Variants in LRRC28 observed in about 807,000 individuals in gnomAD.
The protein encoded by LRRC28 is leucine rich repeat containing 28, also known as leucine-rich repeat-containing protein 28.
LRRC28 carries 39 observed loss-of-function variants against 45.7 expected under a neutral mutation model. The ratio of observed to expected loss-of-function variants is 0.85; its 90% CI spans 0.66 to 1.12. LRRC28 has a LOEUF of 1.12. Among genes scored for constraint, LRRC28 ranks in the 50% most tolerant of loss-of-function variants. LRRC28 has a pLI of 0.00. For synonymous variants in LRRC28, 206 were observed against 178.8 expected, an observed-to-expected ratio of 1.15 and a Z score of -1.22; for missense variants, 435 against 438.5, an observed-to-expected ratio of 0.99 and a Z score of 0.07.
At chr15:99,373,418 A>G (rs1597456438) in intron 9 of LRRC28, among the ~76,000 whole-genome samples, 1 of 152,278 alleles carries the variant, frequency 6.6e-6, no homozygotes, top group South Asian at 2.1e-4. Flanking sequence ...GGTACATAGT[A>G]GATATATATA....
chr15:99,321,451 G>T (rs909897267), intron 5 of LRRC28, among the ~76,000 whole-genome samples: 1 of 152,160 alleles, frequency 6.6e-6, no homozygotes, highest in Non-Finnish European at 1.5e-5. Flanking sequence ...GGCAGCTGGC[G>T]TTCGGTCAGT....
chr15:99,324,190 G>A (rs1200910700), intron 5 of LRRC28, among the ~76,000 whole-genome samples: 1 of 152,134 alleles, frequency 6.6e-6, no homozygotes, highest in Non-Finnish European at 1.5e-5. Context: ...GGGCGAGGAG[G>A]GTAGACAGGG....
chr15:99,379,535 T>G (rs1362756118), intron 9 of LRRC28, among the ~76,000 whole-genome samples: 2 of 152,190 alleles, frequency 1.3e-5, no homozygotes, highest in Non-Finnish European at 2.9e-5. Flanking sequence ...TCTGTCTCTA[T>G]CTCCTTCAGT....
At chr15:99,350,250 G>A (rs1156461491) in intron 6 of LRRC28, among the ~76,000 whole-genome samples, 1 of 152,230 alleles carries the variant, frequency 6.6e-6, no homozygotes, top group Non-Finnish European at 1.5e-5. Flanking sequence ...CTTCCTATGG[G>A]GAAGCAGATG....
chr15:99,313,896 A>G (rs1955502673), intron 5 of LRRC28, among the ~76,000 whole-genome samples: 2 of 152,066 alleles, frequency 1.3e-5, no homozygotes, highest in Admixed American at 6.6e-5. Flanking sequence ...ATTCTTGTAG[A>G]CTGGGCTGGG....
intron 6 of LRRC28, among the ~76,000 whole-genome samples, chr15:99,348,049 C>T (rs559680545): frequency 6.6e-6 from 1 of 152,148 alleles, no homozygotes; most frequent in Non-Finnish European, 1.5e-5. Flanking sequence ...ACCTTTTCAT[C>T]TACCTGTTGG....
chr15:99,347,691 C>T (rs1474628850), intron 6 of LRRC28, among the ~76,000 whole-genome samples: 1 of 152,150 alleles, frequency 6.6e-6, no homozygotes, highest in African/African-American at 2.4e-5. Flanking sequence ...TGGGCATTTA[C>T]ATTGTTTCCA....
chr15:99,307,005 C>T (rs2136629), intron 5 of LRRC28, among the ~76,000 whole-genome samples: 14,745 of 152,224 alleles, frequency 0.097, 1,017 homozygotes, highest in East Asian at 0.33. Context: ...CAAGCCATTA[C>T]GTGTTTCTTC....
chr15:99,298,071 A>G (rs1210935147), intron 5 of LRRC28, among the ~76,000 whole-genome samples: 1 of 152,090 alleles, frequency 6.6e-6, no homozygotes, highest in Admixed American at 6.5e-5. Context: ...AGGCAAAAGA[A>G]GAAAAGTTGG....
At chr15:99,258,584 GA>G in intron 2 of LRRC28, 1 of 745,164 alleles carries the variant, frequency 1.3e-6, no homozygotes, top group Non-Finnish European at 2.4e-6. Context: ...AGAAACCAAA[GA>G]CTAAAAAAGT....
chr15:99,323,179 T>C (rs1160477169), intron 5 of LRRC28, among the ~76,000 whole-genome samples: 2 of 152,192 alleles, frequency 1.3e-5, no homozygotes, highest in Non-Finnish European at 2.9e-5. Flanking sequence ...CACAGTTTGA[T>C]TTTGGCTCCC....
Position 99,361,340 on chromosome 15 carries a change from G to T in LRRC28, c.700G>T (p.Gly234Cys), listed in dbSNP as rs1957193630. ...TGAATGTGTGTCTTTCTGCAGCTGT[G>T]GTGCTCCCATTCAAGTTTCCGAGGT... ...YNKVIGCSGC[G>C]APIQVSEVKL... Residue 234 changes from glycine to cysteine, a missense_variant, in exon 8 of 10, where the codon GGT becomes TGT. Gly to Cys is a radical substitution (Grantham distance 159, BLOSUM62 -3). Transcript: ENST00000301981. 8 of 1,611,700 alleles carry T rather than the reference G, an allele frequency of 5.0e-6. No homozygotes were observed. The highest frequency in any genetic ancestry group is 1.3e-5 in the African/African-American group (1 of 74,798).
chr15:99,308,297 A>G lies in LRRC28; in HGVS notation c.385+20346A>G, dbSNP rs550342653. On this transcript the variant is annotated intron_variant, in intron 5 of 9. Coordinates refer to ENST00000301981, the MANE Select transcript of LRRC28 (RefSeq NM_144598.5). Reference sequence around the variant, plus strand: ...TCTGATTCTCAGTAGTGTTTTTTCCAAGTCGTTAACATAAATACTTAATCT... The same window carrying G: ...TCTGATTCTCAGTAGTGTTTTTTCCGAGTCGTTAACATAAATACTTAATCT... Among the ~76,000 whole-genome samples the G allele has an allele frequency of 2.0e-5, 3 of 152,294 alleles. No homozygotes were observed. In the East Asian group the frequency reaches 5.8e-4, roughly 29 times the overall value.
chr15:99,260,024 A>T (rs2081150165), intron 2 of LRRC28: 2 of 585,222 alleles, frequency 3.4e-6, no homozygotes, highest in East Asian at 3.4e-5. Flanking sequence ...ATTGTAAATT[A>T]TACTCTCATC....
Position 99,363,158 on chromosome 15 carries a change from G to A in LRRC28, c.924G>A (p.Leu308=), listed in dbSNP as rs1957251200. 4 of 1,613,870 alleles carry A rather than the reference G, an allele frequency of 2.5e-6. No homozygotes were observed. Among genetic ancestry groups the A allele is most frequent in the Non-Finnish European group, 3.4e-6 (4 of 1,179,894 alleles). The change falls in exon 9 of 10, where the codon CTG becomes CTA. Residue 308 remains leucine (L), a synonymous_variant. Coordinates refer to ENST00000301981, the MANE Select transcript of LRRC28 (RefSeq NM_144598.5). ...TACCCAGAAGTCTCCTAGAGCTGCT[G>A]CACTGCCCTCTGGGGCACTGTCATC... ...ISLPRSLLEL[L]HCPLGHCHRC...
chr15:99,298,232 GAATT>G (rs1340339976), intron 5 of LRRC28, among the ~76,000 whole-genome samples: 2 of 152,152 alleles, frequency 1.3e-5, no homozygotes, highest in Admixed American at 6.5e-5. Flanking sequence ...ACTTCTTATA[GAATT>G]AATTTATGAC....
At chr15:99,373,211 T>C (rs1044862165) in intron 9 of LRRC28, among the ~76,000 whole-genome samples, 11 of 152,146 alleles carry the variant, frequency 7.2e-5, no homozygotes, top group African/African-American at 1.7e-4. Flanking sequence ...AACATAATTA[T>C]CTTTTGCTCC....
At chr15:99,268,962 G>A (rs1387569229) in intron 2 of LRRC28, among the ~76,000 whole-genome samples, 2 of 152,098 alleles carry the variant, frequency 1.3e-5, no homozygotes, top group East Asian at 1.9e-4. Context: ...CACTTCAAGA[G>A]GCATTTCAGC....
intron 5 of LRRC28, among the ~76,000 whole-genome samples, chr15:99,310,955 C>T (rs1955384897): frequency 6.6e-6 from 1 of 152,160 alleles, no homozygotes; most frequent in African/African-American, 2.4e-5. Flanking sequence ...AATATATTTA[C>T]ACCACAAAGC....
Sources: allele counts gnomAD v4.1 joint callset (sites outside exome capture counted in the v4.1 genomes callset), GRCh38; gene constraint gnomAD v4.1.1; transcripts MANE v1.5; gene names NCBI Gene and HGNC (gene_info 2026-07-23, HGNC 2026-07-21).